Variants in FAM227B observed in about 807,000 individuals in gnomAD.
FAM227B encodes the protein protein FAM227B.
A neutral mutation model predicts 73.8 loss-of-function variants in FAM227B; 88 were observed. That is an observed-to-expected ratio of 1.19 (90% CI 1.00 to 1.42). The LOEUF is 1.42. FAM227B is among the 40% of genes most tolerant of loss of function. The probability of loss-of-function intolerance (pLI) is 0.00; values close to 1 mark genes in which losing one functional copy is unlikely to be tolerated. For missense variants in FAM227B, 632 were observed against 590.9 expected, an observed-to-expected ratio of 1.07 and a Z score of -0.72; for synonymous variants, 210 against 190.5, an observed-to-expected ratio of 1.10 and a Z score of -0.84.
intron 11 of FAM227B, among the ~76,000 whole-genome samples, chr15:49,393,366 G>A (rs567538376): frequency 6.6e-6 from 1 of 152,116 alleles, no homozygotes; most frequent in African/African-American, 2.4e-5. Flanking sequence ...TCTTAATGAC[G>A]TAGTGTCAGT....
intron 10 of FAM227B, among the ~76,000 whole-genome samples, chr15:49,519,694 G>C (rs578141306): frequency 9.2e-5 from 14 of 152,256 alleles, no homozygotes; most frequent in Admixed American, 4.6e-4. Flanking sequence ...CCTGGACCCA[G>C]CCCACAAAAC....
chr15:49,506,883 A>C (rs554135845), intron 11 of FAM227B, among the ~76,000 whole-genome samples: 14 of 152,074 alleles, frequency 9.2e-5, no homozygotes, highest in Non-Finnish European at 1.5e-4. Flanking sequence ...CAAAATATAA[A>C]TAATTGGTAG....
chr15:49,489,798 ATATT>A (rs1452353623), intron 11 of FAM227B, among the ~76,000 whole-genome samples: 2 of 68,602 alleles, frequency 2.9e-5, no homozygotes, highest in African/African-American at 1.0e-4. Context: ...ATATATATAT[ATATT>A]TTATATATAT....
chr15:49,460,947 T>C (rs2053738201), intron 11 of FAM227B, among the ~76,000 whole-genome samples: 1 of 152,220 alleles, frequency 6.6e-6, no homozygotes, highest in South Asian at 2.1e-4. Context: ...AATTCCACTA[T>C]GTCAAAGCTC....
chr15:49,394,193 T>C (rs1448469773), intron 11 of FAM227B, among the ~76,000 whole-genome samples: 1 of 152,088 alleles, frequency 6.6e-6, no homozygotes. Context: ...AATGATACCA[T>C]CAACACCAGT....
At chr15:49,618,295 G>A (rs2078427901) in intron 1 of FAM227B, among the ~76,000 whole-genome samples, 1 of 152,184 alleles carries the variant, frequency 6.6e-6, no homozygotes. Context: ...ACACAGGAGA[G>A]CAGTATTATG....
Position 49,484,260 on chromosome 15 carries a change from C to T in FAM227B, c.1012+23951G>A, listed in dbSNP as rs745703302. 28 of 1,362,884 alleles carry T rather than the reference C, an allele frequency of 2.1e-5. 1 individual carries two copies. In the African/African-American group the frequency reaches 3.9e-4, roughly 19 times the overall value. The allele number at this position is 1,362,884 out of a possible 1,614,324, so 84.4% of individuals were successfully genotyped here. ...CTGCTTACTCTTCGTTTAATTGAGC[C>T]TCTCTAAAAATCATTTGGATAATGT... On this transcript the variant is annotated intron_variant, in intron 11 of 15. Transcript: ENST00000299338.
At position 49,367,587 on chromosome 15, in the gene FAM227B, G is replaced by A; in HGVS notation, c.1132C>T (p.Pro378Ser). 6.3e-7 allele frequency: 1 copy of A among 1,596,584 alleles called. No homozygotes were observed. Among genetic ancestry groups the A allele is most frequent in the Non-Finnish European group, 8.5e-7 (1 of 1,176,098 alleles). ...ATKSHYSSTG[P>S]EFNRVLFNFG... is the part of the protein sequence containing the mutation. ...TTGAAGAGAACACGATTAAACTCTGGACCAGTACTACTATAGTGCGACTGT... is the reference window on the plus strand; with the variant it reads ...TTGAAGAGAACACGATTAAACTCTGAACCAGTACTACTATAGTGCGACTGT... The change falls in exon 13 of 16, where the codon CCA becomes TCA. Residue 378 changes from proline to serine, a missense_variant. Coordinates refer to ENST00000299338, the MANE Select transcript of FAM227B (RefSeq NM_152647.3).
intron 9 of FAM227B, among the ~76,000 whole-genome samples, chr15:49,547,680 T>A (rs1598105332): frequency 6.6e-6 from 1 of 152,156 alleles, no homozygotes; most frequent in African/African-American, 2.4e-5. Flanking sequence ...GCTATTCTTG[T>A]ATCAGACAAA....
intron 11 of FAM227B, among the ~76,000 whole-genome samples, chr15:49,456,937 C>G (rs148148418): frequency 4.6e-5 from 7 of 152,084 alleles, no homozygotes; most frequent in African/African-American, 1.7e-4. Context: ...AAAAAGATAC[C>G]TTCATATTAT....
At chr15:49,570,937 T>C (rs2075055044) in intron 8 of FAM227B, among the ~76,000 whole-genome samples, 1 of 148,038 alleles carries the variant, frequency 6.8e-6, no homozygotes, top group African/African-American at 2.5e-5. Context: ...AAATATATAT[T>C]ATATATAATT....
chr15:49,419,549 G>A (rs1453719430), intron 11 of FAM227B, among the ~76,000 whole-genome samples: 1 of 152,024 alleles, frequency 6.6e-6, no homozygotes, highest in Non-Finnish European at 1.5e-5. Flanking sequence ...ATTAAGTTTT[G>A]ACCAGAACAG....
intron 5 of FAM227B, among the ~76,000 whole-genome samples, chr15:49,585,314 C>G (rs965851984): frequency 6.6e-6 from 1 of 152,178 alleles, no homozygotes. Flanking sequence ...ACTGGAAATA[C>G]CATTTGACCC....
intron 10 of FAM227B, among the ~76,000 whole-genome samples, chr15:49,530,332 T>A (rs999495520): frequency 1.3e-5 from 2 of 151,786 alleles, no homozygotes; most frequent in African/African-American, 4.8e-5. Context: ...ATCAATAAAA[T>A]CATTCCACAC....
At chr15:49,460,822 G>A (rs1456820643) in intron 11 of FAM227B, among the ~76,000 whole-genome samples, 1 of 152,192 alleles carries the variant, frequency 6.6e-6, no homozygotes, top group African/African-American at 2.4e-5. Flanking sequence ...CTTTGTGTGT[G>A]AGGCAGATAT....
intron 11 of FAM227B, among the ~76,000 whole-genome samples, chr15:49,408,987 T>C (rs898454339): frequency 4.5e-4 from 68 of 152,316 alleles, no homozygotes; most frequent in African/African-American, 1.5e-3. Context: ...ATTTTATATT[T>C]CTTGGATTGC....
intron 13 of FAM227B, chr15:49,365,932 AT>A (rs2045098028): frequency 1.0e-6 from 1 of 958,942 alleles, no homozygotes; most frequent in Non-Finnish European, 1.7e-6. Context: ...TATGCAGAAA[AT>A]TGCTATCATA....
intron 10 of FAM227B, among the ~76,000 whole-genome samples, chr15:49,538,522 G>T (rs1412357407): frequency 6.6e-6 from 1 of 152,104 alleles, no homozygotes; most frequent in Admixed American, 6.6e-5. Flanking sequence ...GTACCAGGGG[G>T]TGCAAATGCT....
chr15:49,461,728 C>A (rs901731843), intron 11 of FAM227B, among the ~76,000 whole-genome samples: 3 of 152,114 alleles, frequency 2.0e-5, no homozygotes, highest in African/African-American at 4.8e-5. Flanking sequence ...TTTTTATACT[C>A]CATTAAAACT....
Sources: gnomAD v4.1 joint callset for allele counts (sites outside exome capture counted in the v4.1 genomes callset) on GRCh38, gnomAD v4.1.1 for gene constraint, MANE v1.5 for transcripts, NCBI Gene and HGNC (gene_info 2026-07-23, HGNC 2026-07-21) for gene names.